Variants in SMIM7 observed in about 807,000 individuals in gnomAD.
SMIM7 encodes the protein UPF0608 protein C19orf42.
Under a neutral mutation model 13.3 loss-of-function variants are expected in SMIM7, and 12 were observed. The observed-to-expected ratio is 0.90, with a 90% CI of 0.58 to 1.46. The LOEUF (loss-of-function observed/expected upper bound fraction) is 1.46, where lower values mean the gene tolerates loss of function less well. Ranked by LOEUF, SMIM7 falls within the 40% of genes most tolerant of loss-of-function variation. SMIM7 has a pLI of 0.00. For synonymous variants in SMIM7, 36 were observed against 35.8 expected, an observed-to-expected ratio of 1.01 and a Z score of -0.02; for missense variants, 114 against 94.8, an observed-to-expected ratio of 1.20 and a Z score of -0.84.
intron 4 of SMIM7, chr19:16,652,502 G>A (rs934840851): frequency 3.0e-4 from 305 of 1,019,816 alleles, no homozygotes; most frequent in Non-Finnish European, 3.3e-4. Flanking sequence ...GCCCCTGGCC[G>A]TTCCTACAAT....
At chr19:16,653,827 C>T (rs1004545392) in intron 4 of SMIM7, 25 of 542,262 alleles carry the variant, frequency 4.6e-5, no homozygotes, top group African/African-American at 9.9e-5. Flanking sequence ...CCTAAGAGGC[C>T]GAGGTTGCAG....
intron 2 of SMIM7, 174 bp downstream of exon 2, chr19:16,659,785 C>G: frequency 2.4e-6 from 2 of 833,790 alleles, no homozygotes; most frequent in South Asian, 1.6e-5. Context: ...TTTAAGGTCT[C>G]TCGGGGGGTG....
chr19:16,637,123 G>T (rs967333152), intron 4 of SMIM7, among the ~76,000 whole-genome samples: 7 of 152,166 alleles, frequency 4.6e-5, no homozygotes. Flanking sequence ...ACAGCCACAC[G>T]TGGCTCCTGG....
downstream of SMIM7, chr19:16,645,885 C>T (rs1243518785): frequency 3.3e-5 from 5 of 152,006 alleles, no homozygotes; most frequent in African/African-American, 4.8e-5. Flanking sequence ...TAGTTTCGAA[C>T]TCCTGACCTC....
At chr19:16,632,888 G>A (rs2086332132) in intron 4 of SMIM7, among the ~76,000 whole-genome samples, 1 of 152,158 alleles carries the variant, frequency 6.6e-6, no homozygotes, top group African/African-American at 2.4e-5. Context: ...TGAGCGTACT[G>A]AAATTCACAA....
chr19:16,651,231 T>C (rs16981366), intron 4 of SMIM7, among the ~76,000 whole-genome samples: 28,802 of 152,082 alleles, frequency 0.19, 3,909 homozygotes, highest in African/African-American at 0.38. Flanking sequence ...TTCTCTGTAA[T>C]GGGTGACTGT....
intron 1 of SMIM7, 36 bp from the exon 2 acceptor site, chr19:16,660,036 C>T (rs779886806): frequency 3.7e-6 from 6 of 1,614,010 alleles, no homozygotes; most frequent in Non-Finnish European, 5.1e-6. Context: ...AGGGGCGCCC[C>T]CGCGTCCTGC....
chr19:16,648,454 A>C (rs1036889999), intron 4 of SMIM7, among the ~76,000 whole-genome samples: 8 of 152,188 alleles, frequency 5.3e-5, no homozygotes, highest in African/African-American at 1.9e-4. Flanking sequence ...CACAATAAAA[A>C]ACTTTTGTGC....
intron 3 of SMIM7, among the ~76,000 whole-genome samples, chr19:16,656,453 C>T (rs189259893): frequency 2.6e-5 from 4 of 152,146 alleles, no homozygotes; most frequent in East Asian, 3.9e-4. Flanking sequence ...AAACAAAGAC[C>T]GGTGGCTCTG....
chr19:16,643,830 A>T (rs954568000), downstream of SMIM7: 3 of 152,284 alleles, frequency 2.0e-5, no homozygotes, highest in Admixed American at 6.5e-5. Flanking sequence ...GCCAATGAAG[A>T]TCACAACACT....
At chr19:16,641,272 G>T, downstream of SMIM7, 1 of 152,476 alleles carries the variant, frequency 6.6e-6, no homozygotes. Flanking sequence ...ACACACAAAG[G>T]GGTGTGGCCA....
rs1015488504 is a variant in SMIM7, at chr19:16,652,618, T to C, written c.212+1417A>G. On this transcript the variant is annotated intron_variant, in intron 4 of 4. Coordinates refer to ENST00000487416, the MANE Select transcript of SMIM7 (RefSeq NM_024104.4). ...CAGGTAGGATACCTTGGCAACAGTCTTCCTGGGAATACATCACGGTCCTTG... is the reference window on the plus strand; with the variant it reads ...CAGGTAGGATACCTTGGCAACAGTCCTCCTGGGAATACATCACGGTCCTTG... The C allele has an allele frequency of 1.5e-5, 19 of 1,294,742 alleles. No individual in the cohort carries two copies. The African/African-American group carries it at 2.7e-4, about 18-fold the overall frequency. 80.2% of individuals were successfully genotyped at this position (1,294,742 alleles called of 1,614,324 possible). A position where few individuals can be genotyped will look rare whatever the true frequency, so the allele number is the denominator to read the frequency against.
chr19:16,653,885 A>AT (rs2086561889), intron 4 of SMIM7, 150 bp downstream of exon 4: 2 of 671,680 alleles, frequency 3.0e-6, no homozygotes, highest in Non-Finnish European at 4.9e-6. Flanking sequence ...ACAGAGCAAG[A>AT]TTCCATCTCA....
Position 16,646,907 on chromosome 19 carries a change from T to G in SMIM7, c.*339A>C. On this transcript the variant is annotated 3_prime_UTR_variant, in exon 5 of 5. Coordinates refer to ENST00000487416, the MANE Select transcript of SMIM7 (RefSeq NM_024104.4). ...GTCCAAAAATACGGCTGTGTTAAAC[T>G]AACAAGCCAATCCTTCTGCTCAGAT... 2.7e-6 allele frequency: 1 copy of G among 368,192 alleles called. No individual in the cohort carries two copies. Among genetic ancestry groups the G allele is most frequent in the Non-Finnish European group, 5.0e-6 (1 of 199,318 alleles). 22.8% of individuals were successfully genotyped at this position (368,192 alleles called of 1,614,324 possible). A position where few individuals can be genotyped will look rare whatever the true frequency, so the allele number is the denominator to read the frequency against.
chr19:16,648,367 C>G lies in SMIM7; in HGVS notation c.213-1106G>C, dbSNP rs141597029. On this transcript the variant is annotated intron_variant, in intron 4 of 4. Coordinates refer to ENST00000487416, the MANE Select transcript of SMIM7 (RefSeq NM_024104.4). Reference sequence around the variant, plus strand: ...TGTTGGTCAGGCCGGTCTCAAACTCCTGACCTCAAGTGATCCAACCGCCTC... The same window carrying G: ...TGTTGGTCAGGCCGGTCTCAAACTCGTGACCTCAAGTGATCCAACCGCCTC... 3.2e-3 allele frequency among the ~76,000 whole-genome samples: 485 copies of G among 152,220 alleles called. 1 individual carries two copies. The highest frequency in any genetic ancestry group is 0.014 in the Middle Eastern group (4 of 294).
At chr19:16,656,055 A>T (rs544468868) in intron 3 of SMIM7, among the ~76,000 whole-genome samples, 5 of 152,268 alleles carry the variant, frequency 3.3e-5, no homozygotes, top group African/African-American at 1.2e-4. Context: ...GATCGTGAAA[A>T]CAGGACCTCC....
chr19:16,647,554 C>G (rs1448567655), intron 4 of SMIM7, among the ~76,000 whole-genome samples: 1 of 150,062 alleles, frequency 6.7e-6, no homozygotes, highest in Non-Finnish European at 1.5e-5. Context: ...ATCCGAGATT[C>G]AAGCGATTCT....
intron 4 of SMIM7, 110 bp from the exon 5 acceptor site, chr19:16,647,371 CAT>C: frequency 2.3e-6 from 3 of 1,318,814 alleles, no homozygotes; most frequent in Non-Finnish European, 3.2e-6. Context: ...GATGATTTTA[CAT>C]GATTGTCTGA....
downstream of SMIM7, chr19:16,646,118 T>TAAAA (rs35180919): frequency 7.2e-6 from 1 of 139,512 alleles, no homozygotes; most frequent in African/African-American, 2.6e-5. Flanking sequence ...ACTTCTTGGT[T>TAAAA]AAAAAAAAAA....
Sources: allele counts gnomAD v4.1 joint callset (sites outside exome capture counted in the v4.1 genomes callset), GRCh38; gene constraint gnomAD v4.1.1; transcripts MANE v1.5; gene names NCBI Gene and HGNC (gene_info 2026-07-23, HGNC 2026-07-21).